The following NAALADL2 variants were observed in gnomAD, a reference collection of about 807,000 sequenced individuals.
NAALADL2 encodes the protein N-acetylated alpha-linked acidic dipeptidase like 2.
A neutral mutation model predicts 87.2 loss-of-function variants in NAALADL2; 76 were observed. The observed-to-expected ratio is 0.87, with a 90% CI of 0.72 to 1.05. NAALADL2 has a LOEUF of 1.05. NAALADL2 is among the 50% of genes least tolerant of loss of function. The probability of loss-of-function intolerance (pLI) is 0.00; values close to 1 mark genes in which losing one functional copy is unlikely to be tolerated. For synonymous variants in NAALADL2, 354 were observed against 331.0 expected, an observed-to-expected ratio of 1.07 and a Z score of -0.75; for missense variants, 1,089 against 945.8, an observed-to-expected ratio of 1.15 and a Z score of -1.99.
chr3:175,580,674 A>G (rs1178297433), intron 10 of NAALADL2, among the ~76,000 whole-genome samples: 1 of 152,214 alleles, frequency 6.6e-6, no homozygotes, highest in Non-Finnish European at 1.5e-5. Context: ...TTTCTACTTC[A>G]AAGTGTGCCA....
intron 12 of NAALADL2, among the ~76,000 whole-genome samples, chr3:175,746,837 T>C (rs1249167270): frequency 6.6e-6 from 1 of 152,194 alleles, no homozygotes; most frequent in Non-Finnish European, 1.5e-5. Context: ...CATTTTTATA[T>C]AGACTGACTA....
chr3:175,060,473 A>G (rs1243813614), intron 1 of NAALADL2, among the ~76,000 whole-genome samples: 1 of 152,218 alleles, frequency 6.6e-6, no homozygotes, highest in East Asian at 1.9e-4. Flanking sequence ...ACGGATAGGC[A>G]TTGTTTTAAA....
intron 2 of NAALADL2, among the ~76,000 whole-genome samples, chr3:174,684,340 C>T (rs1727838865): frequency 1.3e-5 from 2 of 151,918 alleles, no homozygotes; most frequent in African/African-American, 4.8e-5. Context: ...GAATAAGTAA[C>T]CATAAACCCT....
intron 2 of NAALADL2, among the ~76,000 whole-genome samples, chr3:174,565,262 C>T (rs1042672357): frequency 6.6e-6 from 1 of 151,954 alleles, no homozygotes; most frequent in Admixed American, 6.6e-5. Context: ...TGACATGTAG[C>T]CACCATTGCA....
chr3:175,713,908 G>A (rs1237673181), intron 11 of NAALADL2, among the ~76,000 whole-genome samples: 1 of 152,058 alleles, frequency 6.6e-6, no homozygotes, highest in Non-Finnish European at 1.5e-5. Flanking sequence ...AGGCCCTGGT[G>A]TGTGATGTTC....
rs562899052 is a variant in NAALADL2 at position 174,831,016 on chromosome 3, A to G, written c.-9+93270A>G. On this transcript the variant is annotated intron_variant, in intron 3 of 3. Coordinates refer to the NAALADL2 transcript ENST00000434257. ...CTTAAGGAGATTTTGGGCTGAGACA[A>G]TGGTGTTTTCTAGATATACAATCAT... Among the ~76,000 whole-genome samples the G allele has an allele frequency of 4.0e-3, 606 of 150,684 alleles. 4 individuals are homozygous for G. The highest frequency in any genetic ancestry group is 0.024 in the Middle Eastern group (7 of 294).
chr3:175,163,813 G>A (rs917988113), intron 2 of NAALADL2, among the ~76,000 whole-genome samples: 1 of 152,104 alleles, frequency 6.6e-6, no homozygotes, highest in Non-Finnish European at 1.5e-5. Context: ...AGTACCAGAG[G>A]GGCAGCTGCT....
intron 1 of NAALADL2, among the ~76,000 whole-genome samples, chr3:175,027,245 T>G (rs1752326240): frequency 6.6e-6 from 1 of 152,112 alleles, no homozygotes; most frequent in Non-Finnish European, 1.5e-5. Flanking sequence ...AAAAAGTAGA[T>G]TTAATGCCAA....
At chr3:175,786,144 C>A in intron 13 of NAALADL2, among the ~76,000 whole-genome samples, 1 of 151,874 alleles carries the variant, frequency 6.6e-6, no homozygotes, top group African/African-American at 2.4e-5. Context: ...TTTTTTCCTT[C>A]ATTTCAACTT....
chr3:174,818,034 A>G (rs9818291), intron 3 of NAALADL2, among the ~76,000 whole-genome samples: 1,674 of 152,154 alleles, frequency 0.011, 40 homozygotes, highest in African/African-American at 0.039. Flanking sequence ...TCTTCATCTG[A>G]TAACCCATTT....
intron 1 of NAALADL2, among the ~76,000 whole-genome samples, chr3:174,882,547 A>C (rs563540609): frequency 6.9e-6 from 1 of 144,466 alleles, no homozygotes; most frequent in African/African-American, 2.8e-5. Context: ...ATACACACAT[A>C]TGTACATATG....
At chr3:175,219,864 CTTTCTTTT>C (rs931483781) in intron 2 of NAALADL2, among the ~76,000 whole-genome samples, 4 of 118,712 alleles carry the variant, frequency 3.4e-5, no homozygotes, top group African/African-American at 1.1e-4. Flanking sequence ...TTGTGGTTTT[CTTTCTTTT>C]TTTTTTTTTT....
At chr3:174,738,610 T>A (rs77744136) in intron 3 of NAALADL2, among the ~76,000 whole-genome samples, 5,369 of 152,148 alleles carry the variant, frequency 0.035, 327 homozygotes, top group African/African-American at 0.12. Context: ...AGAAATAAGT[T>A]GGGGAGGAGC....
At chr3:175,006,911 G>T (rs1276743665) in intron 1 of NAALADL2, among the ~76,000 whole-genome samples, 2 of 151,040 alleles carry the variant, frequency 1.3e-5, no homozygotes, top group Non-Finnish European at 2.9e-5. Flanking sequence ...TTTGTAAGGA[G>T]GAGTATACAA....
chr3:174,842,398 A>G (rs910685823), intron 3 of NAALADL2, among the ~76,000 whole-genome samples: 1 of 152,172 alleles, frequency 6.6e-6, no homozygotes, highest in African/African-American at 2.4e-5. Context: ...TTACATGGCT[A>G]TCATGTCCCA....
chr3:174,837,191 A>T (rs181784391), intron 3 of NAALADL2, among the ~76,000 whole-genome samples: 1 of 152,308 alleles, frequency 6.6e-6, no homozygotes, highest in Admixed American at 6.5e-5. Context: ...TACAAAAGAG[A>T]AATGAAAGAA....
At chr3:174,718,134 A>AACAG (rs1731378642) in intron 2 of NAALADL2, among the ~76,000 whole-genome samples, 1 of 152,164 alleles carries the variant, frequency 6.6e-6, no homozygotes, top group African/African-American at 2.4e-5. Flanking sequence ...CAAACAAACA[A>AACAG]AAAATGAAAC....
chr3:175,755,253 T>C lies in NAALADL2; in HGVS notation c.2024T>C (p.Met675Thr). The change falls in exon 13 of 14, where the codon ATG becomes ACG. Residue 675 changes from methionine (M) to threonine (T), a missense_variant. Met to Thr is a moderately conservative substitution (Grantham distance 81). Coordinates refer to ENST00000454872, the MANE Select transcript of NAALADL2 (RefSeq NM_207015.3). ...DQPNTHQLLA[M>T]ALRLRESAEL... ...CCCAACACTCATCAACTGTTAGCCA[T>C]GGCGTTACGCCTGCGGGAGAGTGCT... 1 of 1,613,418 alleles carries C rather than the reference T, an allele frequency of 6.2e-7. No individual in the cohort carries two copies. The highest frequency in any genetic ancestry group is 1.1e-5 in the South Asian group (1 of 90,954).
intron 2 of NAALADL2, among the ~76,000 whole-genome samples, chr3:175,188,592 T>C (rs1254863575): frequency 1.3e-5 from 2 of 152,048 alleles, no homozygotes; most frequent in Non-Finnish European, 2.9e-5. Flanking sequence ...GCCAAATAGC[T>C]GCAAAAATTC....
Sources: gnomAD v4.1 joint callset for allele counts (sites outside exome capture counted in the v4.1 genomes callset) on GRCh38, gnomAD v4.1.1 for gene constraint, MANE v1.5 for transcripts, NCBI Gene and HGNC (gene_info 2026-07-23, HGNC 2026-07-21) for gene names.